The following RIC1 variants were observed in gnomAD, a reference collection of about 807,000 sequenced individuals.
RIC1 encodes the protein guanine nucleotide exchange factor subunit RIC1.
Under a neutral mutation model 169.0 loss-of-function variants are expected in RIC1, and 88 were observed. That is an observed-to-expected ratio of 0.52 (90% CI 0.44 to 0.62). RIC1 has a LOEUF of 0.62. RIC1 is among the 20% of genes least tolerant of loss of function. The pLI, the probability that RIC1 is intolerant of heterozygous loss-of-function variation, is 0.00. For synonymous variants in RIC1, 790 were observed against 601.5 expected, an observed-to-expected ratio of 1.31 and a Z score of -4.59; for missense variants, 1,877 against 1,725.5, an observed-to-expected ratio of 1.09 and a Z score of -1.56.
At chr9:5,769,359 A>G in intron 22 of RIC1, 103 bp downstream of exon 22, 1 of 1,611,000 alleles carries the variant, frequency 6.2e-7, no homozygotes, top group Non-Finnish European at 8.5e-7. Context: ...TTTTCATTCC[A>G]AACTTAGGAA....
At chr9:5,681,567 G>A (rs1419741295) in intron 2 of RIC1, among the ~76,000 whole-genome samples, 1 of 152,188 alleles carries the variant, frequency 6.6e-6, no homozygotes, top group Non-Finnish European at 1.5e-5. Flanking sequence ...TTCAAACTAT[G>A]TGGTCAATTT....
chr9:5,756,219 T>C lies in RIC1; in HGVS notation c.1700T>C (p.Val567Ala). The C allele has an allele frequency of 6.4e-7, 1 of 1,566,184 alleles. No individual in the cohort carries two copies. The highest frequency in any genetic ancestry group is 1.4e-5 in the African/African-American group (1 of 73,698). ...CATTTTTGTTTTCTTCAGCTTAGAG[T>C]ATACTTGCGAACATCAAATCTGGAC... ...NINDRQEELRVYLRTSNLDNA... is the reference protein window; with the variant it reads ...NINDRQEELRAYLRTSNLDNA... Residue 567 changes from valine (V) to alanine (A), a missense_variant, in exon 16 of 26, where the codon GTA becomes GCA. This residue lies in a region of RIC1 where 1,104 missense variants were observed against 992.0 expected (regional missense o/e 1.11). Coordinates refer to ENST00000414202, the MANE Select transcript of RIC1 (RefSeq NM_020829.4).
rs1230724709 is a variant in RIC1 at position 5,770,245 on chromosome 9, C to G, written c.3583C>G (p.Gln1195Glu). 1.2e-5 allele frequency: 20 copies of G among 1,613,584 alleles called. No homozygotes were observed. Among genetic ancestry groups the G allele is most frequent in the Non-Finnish European group, 1.7e-5 (20 of 1,179,728 alleles). Residue 1195 changes from glutamine to glutamate, a missense_variant, in exon 23 of 26, where the codon CAA becomes GAA. Coordinates refer to ENST00000414202, the MANE Select transcript of RIC1 (RefSeq NM_020829.4). ...AGCTTCATCCCATGGACCACAAATG[C>G]AAGATGCCTTCTTGTCACCTTTATC... Reference protein sequence around the residue: ...DTASSHGPQMQDAFLSPLSNK... With the variant: ...DTASSHGPQMEDAFLSPLSNK...
intron 2 of RIC1, among the ~76,000 whole-genome samples, chr9:5,658,840 G>T (rs567508331): frequency 1.3e-5 from 2 of 148,770 alleles, no homozygotes; most frequent in South Asian, 2.1e-4. Flanking sequence ...TTTTTTTACC[G>T]AGACTGACTT....
chr9:5,736,661 A>G (rs1824725290), intron 7 of RIC1, among the ~76,000 whole-genome samples: 1 of 152,202 alleles, frequency 6.6e-6, no homozygotes, highest in African/African-American at 2.4e-5. Context: ...GACATGGAAG[A>G]TATTAGAAAA....
At chr9:5,742,174 A>G (rs1285922902) in intron 8 of RIC1, among the ~76,000 whole-genome samples, 3 of 152,142 alleles carry the variant, frequency 2.0e-5, no homozygotes, top group Non-Finnish European at 2.9e-5. Context: ...TACCATGGAT[A>G]TAGTCCATTG....
intron 14 of RIC1, 22 bp downstream of exon 14, chr9:5,753,668 A>G (rs776527501): frequency 1.0e-5 from 13 of 1,250,382 alleles, no homozygotes; most frequent in Non-Finnish European, 1.5e-5. Context: ...TTGAGATTAA[A>G]AACCTATTTC....
chr9:5,643,039 C>G (rs1184228361), intron 1 of RIC1, among the ~76,000 whole-genome samples: 2 of 152,106 alleles, frequency 1.3e-5, no homozygotes. Flanking sequence ...GTGGCTCACA[C>G]CTGTAACCTC....
chr9:5,748,339 G>A (rs549669296), intron 12 of RIC1, among the ~76,000 whole-genome samples: 1 of 152,144 alleles, frequency 6.6e-6, no homozygotes, highest in East Asian at 1.9e-4. Context: ...CAGCTCCCAT[G>A]TTATTTTCAG....
In RIC1 at chr9:5,656,612, G is replaced by T; in HGVS notation, c.174G>T (p.Glu58Asp). 6.2e-7 allele frequency: 1 copy of T among 1,604,962 alleles called. No homozygotes were observed. The highest frequency in any genetic ancestry group is 8.5e-7 in the Non-Finnish European group (1 of 1,175,100). ...RPSVLIVTYK[E>D]PAKSSTQFGS... is the part of the protein sequence containing the mutation. ...GTGTGTTAATTGTAACCTACAAGGA[G>T]CCTGCAAAATCATCTACTCAGTTTG... The change falls in exon 2 of 26, where the codon GAG (glutamate) becomes GAT (aspartate). Residue 58 changes from glutamate (E) to aspartate (D), a missense_variant. Transcript: ENST00000414202.
At chr9:5,680,473 G>C (rs1047712377) in intron 2 of RIC1, among the ~76,000 whole-genome samples, 3 of 152,084 alleles carry the variant, frequency 2.0e-5, no homozygotes, top group Non-Finnish European at 4.4e-5. Context: ...TCTGGTTCTG[G>C]ACTTTTTTTG....
rs1467954262 is a variant in RIC1 at position 5,634,896 on chromosome 9, A to T, written c.144+5443A>T. Reference sequence around the variant, plus strand: ...TTCTTATTTTAATTTTTGTGGGTACATAGTAGATCTGTGTATTTGTGGGGT... The same window carrying T: ...TTCTTATTTTAATTTTTGTGGGTACTTAGTAGATCTGTGTATTTGTGGGGT... On this transcript the variant is annotated intron_variant, in intron 1 of 25. Transcript: ENST00000414202. Among the ~76,000 whole-genome samples the T allele has an allele frequency of 1.3e-5, 2 of 152,074 alleles. 1 individual carries two copies. Among genetic ancestry groups the T allele is most frequent in the South Asian group, 4.1e-4 (2 of 4,826 alleles).
chr9:5,682,087 A>G lies in RIC1; in HGVS notation c.253-7872A>G, dbSNP rs1462394217. ...GAGATGAGTTTCCTGAATACAGCACACTGATGGGTCTTGAGTCTTTATCCA... is the reference window on the plus strand; with the variant it reads ...GAGATGAGTTTCCTGAATACAGCACGCTGATGGGTCTTGAGTCTTTATCCA... On this transcript the variant is annotated intron_variant, in intron 2 of 25. Coordinates refer to ENST00000414202, the MANE Select transcript of RIC1 (RefSeq NM_020829.4). Among the ~76,000 whole-genome samples the G allele has an allele frequency of 2.0e-5, 3 of 152,312 alleles. No individual in the cohort carries two copies. The East Asian group carries it at 5.8e-4, about 29-fold the overall frequency.
At chr9:5,736,730 G>A (rs764111650) in intron 7 of RIC1, among the ~76,000 whole-genome samples, 2 of 152,230 alleles carry the variant, frequency 1.3e-5, no homozygotes, top group African/African-American at 2.4e-5. Context: ...AAAACATACT[G>A]TATGGAACTA....
intron 3 of RIC1, among the ~76,000 whole-genome samples, chr9:5,697,310 CT>C (rs1210850198): frequency 6.6e-6 from 1 of 152,214 alleles, no homozygotes; most frequent in Non-Finnish European, 1.5e-5. Flanking sequence ...TAGATGGTGA[CT>C]TCTGCCAGAA....
At chr9:5,742,760 T>G (rs1206930843) in intron 8 of RIC1, 109 bp from the exon 9 acceptor site, 2 of 984,246 alleles carry the variant, frequency 2.0e-6, no homozygotes, top group East Asian at 5.2e-5. Context: ...CAGTCATACC[T>G]TTCTACTCAT....
chr9:5,631,685 CAAAAAAA>C (rs34448140), intron 1 of RIC1, among the ~76,000 whole-genome samples: 2 of 66,376 alleles, frequency 3.0e-5, no homozygotes, highest in African/African-American at 4.7e-5. Flanking sequence ...GACTCTGTCT[CAAAAAAA>C]AAAAAAAAAA....
chr9:5,733,898 G>T (rs1478935137), intron 7 of RIC1, among the ~76,000 whole-genome samples: 1 of 151,034 alleles, frequency 6.6e-6, no homozygotes, highest in Non-Finnish European at 1.5e-5. Flanking sequence ...TCCCTTCTTT[G>T]TCTTCTCTAT....
intron 6 of RIC1, among the ~76,000 whole-genome samples, chr9:5,724,471 G>C (rs1823822627): frequency 6.6e-6 from 1 of 152,142 alleles, no homozygotes. Context: ...TGAGACTATG[G>C]AGTTTTCTAG....
Sources: allele counts gnomAD v4.1 joint callset (sites outside exome capture counted in the v4.1 genomes callset), GRCh38; gene constraint gnomAD v4.1.1; regional missense constraint gnomAD v4.1.1; transcripts MANE v1.5; gene names NCBI Gene and HGNC (gene_info 2026-07-23, HGNC 2026-07-21).